ASPH: variants seen among roughly 807,000 people sequenced by gnomAD.
ASPH encodes the protein aspartate beta-hydroxylase, also known as aspartyl/asparaginyl beta-hydroxylase.
In ASPH, 100 loss-of-function variants were observed where a neutral mutation model predicts 118.4. That is an observed-to-expected ratio of 0.84 (90% CI 0.72 to 1.00). The LOEUF (loss-of-function observed/expected upper bound fraction) is 1.00, where lower values mean the gene tolerates loss of function less well. Among genes scored for constraint, ASPH ranks in the 50% least tolerant of loss-of-function variants. ASPH has a pLI of 0.00. For missense variants in ASPH, 920 were observed against 919.5 expected (o/e 1.00, Z -0.01); for synonymous variants, 315 against 325.6 (o/e 0.97, Z 0.35).
rs181314234 is a variant in ASPH, at chr8:61,694,573, C to T, written c.104-10385G>A. Among the ~76,000 whole-genome samples, 641 of 152,344 alleles carry T rather than the reference C, an allele frequency of 4.2e-3. 3 individuals carry two copies. Among genetic ancestry groups the T allele is most frequent in the African/African-American group, 0.015 (623 of 41,574 alleles). The stretch of plus-strand genomic sequence containing the variant: ...CAGAACTCTCCCTCCTTCTTCCACA[C>T]TCTCTTCCCTCGACTCTCATGACTT... On this transcript the variant is annotated intron_variant, in intron 1 of 24. Coordinates refer to ENST00000379454, the MANE Select transcript of ASPH (RefSeq NM_004318.4).
chr8:61,695,022 A>G (rs1833600822), intron 1 of ASPH, among the ~76,000 whole-genome samples: 1 of 152,230 alleles, frequency 6.6e-6, no homozygotes, highest in Non-Finnish European at 1.5e-5. Flanking sequence ...GATTACAACG[A>G]GGCCAAGATA....
chr8:61,598,995 G>T (rs528338328), intron 14 of ASPH, among the ~76,000 whole-genome samples: 1 of 152,194 alleles, frequency 6.6e-6, no homozygotes, highest in South Asian at 2.1e-4. Context: ...ATACAGTAGT[G>T]CTAAGAAGGA....
Position 61,714,209 on chromosome 8 carries a change from G to A in ASPH, c.103+60C>T, listed in dbSNP as rs927157274. On this transcript the variant is annotated intron_variant, in intron 1 of 24. Coordinates refer to ENST00000379454, the MANE Select transcript of ASPH (RefSeq NM_004318.4). Reference sequence around the variant, plus strand: ...GAGATGCACCCGCAGCGTCCGCCGCGCCAGCCGGCTCCCTACCCCGAGGCG... The same window carrying A: ...GAGATGCACCCGCAGCGTCCGCCGCACCAGCCGGCTCCCTACCCCGAGGCG... 1.3e-5 allele frequency: 18 copies of A among 1,362,360 alleles called. No individual in the cohort carries two copies. The East Asian group carries it at 2.8e-4, about 21-fold the overall frequency. The allele number at this position is 1,362,360 out of a possible 1,614,324, so 84.4% of individuals were successfully genotyped here. A position where few individuals can be genotyped will look rare whatever the true frequency, so the allele number is the denominator to read the frequency against.
chr8:61,653,477 C>A, intron 4 of ASPH, 91 bp downstream of exon 4: 1 of 1,253,446 alleles, frequency 8.0e-7, no homozygotes. Context: ...TGATGTGAAA[C>A]AAATTCCAGG....
At position 61,584,029 on chromosome 8, in the gene ASPH, A is replaced by G. The variant is rs769599231; in HGVS notation, c.977T>C (p.Val326Ala). Reference sequence around the variant, plus strand: ...TAAAAGTTTAGGCTTCTTTTTCTTAACTGAAAGAAAAAAGAGATTTTTATT... The same window carrying G: ...TAAAAGTTTAGGCTTCTTTTTCTTAGCTGAAAGAAAAAAGAGATTTTTATT... ...KTDDPEQKAK[V>A]KKKKPKLLNK... Residue 326 changes from valine (V) to alanine (A), a missense_variant and splice_region_variant, in exon 15 of 25, where the codon GTT (valine) becomes GCT (alanine). Physicochemically the swap from Val to Ala is moderately conservative, Grantham distance 64. Coordinates refer to ENST00000379454, the MANE Select transcript of ASPH (RefSeq NM_004318.4). 1 of 1,488,392 alleles carries G rather than the reference A, an allele frequency of 6.7e-7. No homozygotes were observed. The highest frequency in any genetic ancestry group is 9.2e-7 in the Non-Finnish European group (1 of 1,088,914). 92.2% of individuals were successfully genotyped at this position (1,488,392 alleles called of 1,614,324 possible).
At chr8:61,620,557 C>G in intron 13 of ASPH, among the ~76,000 whole-genome samples, 1 of 151,918 alleles carries the variant, frequency 6.6e-6, no homozygotes, top group East Asian at 1.9e-4. Context: ...ACTATAGCCT[C>G]CTTATTATAA....
chr8:61,657,016 A>C (rs536078396), intron 3 of ASPH: 1 of 152,382 alleles, frequency 6.6e-6, no homozygotes, highest in South Asian at 2.1e-4. Flanking sequence ...AAATGAAAAC[A>C]ACACACCTAC....
intron 15 of ASPH, among the ~76,000 whole-genome samples, chr8:61,580,927 C>G (rs1047780014): frequency 7.9e-5 from 12 of 152,222 alleles, no homozygotes; most frequent in African/African-American, 2.4e-4. Context: ...TTTTGGGGGT[C>G]TATTTTCAGC....
At chr8:61,676,361 C>T (rs1213802115) in intron 3 of ASPH, 3 of 1,516,788 alleles carry the variant, frequency 2.0e-6, no homozygotes, top group African/African-American at 1.4e-5. Flanking sequence ...ATAAGGAGAG[C>T]AGTTAGGTGG....
intron 18 of ASPH, among the ~76,000 whole-genome samples, chr8:61,559,800 C>A (rs995904147): frequency 1.3e-5 from 2 of 152,088 alleles, no homozygotes; most frequent in African/African-American, 4.8e-5. Context: ...ATAAACATAT[C>A]TCAGGCATTT....
rs372191443 is a variant in ASPH at position 61,613,141 on chromosome 8, T to C, written c.976+5837A>G. On this transcript the variant is annotated intron_variant, in intron 14 of 24. Coordinates refer to ENST00000379454, the MANE Select transcript of ASPH (RefSeq NM_004318.4). ...TGGTACCCAGATATTTGGTTGAACA[T>C]GTCTGGATGTTGCTGAGAAGGTATT... is the stretch of plus-strand genomic sequence containing the variant. Among the ~76,000 whole-genome samples, 10 of 152,230 alleles carry C rather than the reference T, an allele frequency of 6.6e-5. No homozygotes were observed. The East Asian group carries it at 9.6e-4, about 15-fold the overall frequency.
intron 21 of ASPH, among the ~76,000 whole-genome samples, chr8:61,540,511 C>T (rs1821448154): frequency 6.6e-6 from 1 of 152,184 alleles, no homozygotes; most frequent in Admixed American, 6.5e-5. Flanking sequence ...CCTATACAGC[C>T]TGCAGAACCG....
intron 15 of ASPH, chr8:61,583,309 C>T (rs966170880): frequency 6.6e-6 from 1 of 151,840 alleles, no homozygotes; most frequent in Non-Finnish European, 1.5e-5. Context: ...CCTGTAATCC[C>T]AGCACTTTCG....
At chr8:61,555,039 C>A (rs1442212729) in intron 19 of ASPH, among the ~76,000 whole-genome samples, 1 of 152,074 alleles carries the variant, frequency 6.6e-6, no homozygotes, top group Non-Finnish European at 1.5e-5. Flanking sequence ...TACTGGGAAG[C>A]CCTGGTCTAC....
At chr8:61,595,828 G>A (rs1842362807) in intron 14 of ASPH, among the ~76,000 whole-genome samples, 1 of 151,986 alleles carries the variant, frequency 6.6e-6, no homozygotes, top group Non-Finnish European at 1.5e-5. Context: ...AGGGCCACCT[G>A]GTTTACTGCC....
chr8:61,660,619 G>GA (rs1411831542), intron 3 of ASPH: 1 of 152,040 alleles, frequency 6.6e-6, no homozygotes, highest in Non-Finnish European at 1.5e-5. Context: ...CATAACAAAA[G>GA]AAAAAAGCCA....
At chr8:61,556,070 A>G in intron 18 of ASPH, 48 bp from the exon 19 acceptor site, 1 of 1,532,504 alleles carries the variant, frequency 6.5e-7, no homozygotes, top group Middle Eastern at 1.7e-4. Flanking sequence ...AACATAGGTG[A>G]TTGCTTAGAA....
At chr8:61,684,841 ATTC>A (rs987810693) in intron 1 of ASPH, 12 of 152,188 alleles carry the variant, frequency 7.9e-5, no homozygotes, top group African/African-American at 2.7e-4. Context: ...TTTTGTAAAT[ATTC>A]TTCTTACAGC....
In ASPH at chr8:61,583,650, C is replaced by T. The variant is rs186129067; in HGVS notation, c.1062+294G>A. ...ATTATCATGTCTGTAAGAAAACTAACGCCCAGAAGAGCCAAGTGGTTTCCC... is the reference window on the plus strand; with the variant it reads ...ATTATCATGTCTGTAAGAAAACTAATGCCCAGAAGAGCCAAGTGGTTTCCC... On this transcript the variant is annotated intron_variant, in intron 15 of 24. Transcript: ENST00000379454. 3.6e-5 allele frequency: 9 copies of T among 250,986 alleles called. No individual in the cohort carries two copies. The East Asian group carries it at 4.6e-4, about 13-fold the overall frequency. 15.5% of individuals were successfully genotyped at this position (250,986 alleles called of 1,614,324 possible). A position where few individuals can be genotyped will look rare whatever the true frequency, so the allele number is the denominator to read the frequency against.
Sources: gnomAD v4.1 joint callset for allele counts (sites outside exome capture counted in the v4.1 genomes callset) on GRCh38, gnomAD v4.1.1 for gene constraint, MANE v1.5 for transcripts, NCBI Gene and HGNC (gene_info 2026-07-23, HGNC 2026-07-21) for gene names.